Variants in ENKUR observed in about 807,000 individuals in gnomAD.
ENKUR encodes enkurin.
In ENKUR, 19 loss-of-function variants were observed where a neutral mutation model predicts 27.6. The ratio of observed to expected loss-of-function variants is 0.69; its 90% CI spans 0.48 to 1.01. The LOEUF (loss-of-function observed/expected upper bound fraction) is 1.01. ENKUR is among the 50% of genes least tolerant of loss of function. The probability of loss-of-function intolerance (pLI) is 0.00; values close to 1 mark genes in which losing one functional copy is unlikely to be tolerated. For missense variants in ENKUR, 312 were observed against 310.5 expected (o/e 1.00, Z -0.04); for synonymous variants, 117 against 96.9 (o/e 1.21, Z -1.22).
intron 2 of ENKUR, chr10:25,024,245 A>G (rs759378790): frequency 6.2e-7 from 1 of 1,614,180 alleles, no homozygotes; most frequent in Non-Finnish European, 8.5e-7. Flanking sequence ...TTCATCCTGG[A>G]GTTGTTTCAT....
At chr10:25,002,723 CATT>C (rs1850216844) in intron 1 of ENKUR, among the ~76,000 whole-genome samples, 1 of 152,098 alleles carries the variant, frequency 6.6e-6, no homozygotes, top group Non-Finnish European at 1.5e-5. Context: ...TTTGAAGAAA[CATT>C]ATTGTTTTTT....
At chr10:25,024,186 C>T in intron 2 of ENKUR, 1 of 1,614,226 alleles carries the variant, frequency 6.2e-7, no homozygotes, top group African/African-American at 1.3e-5. Flanking sequence ...ATGGGGAAAA[C>T]TTTGCCTGCT....
intron 1 of ENKUR, among the ~76,000 whole-genome samples, chr10:25,002,746 G>A (rs1385327005): frequency 2.0e-5 from 3 of 151,812 alleles, no homozygotes; most frequent in Non-Finnish European, 4.4e-5. Context: ...TTCCTTTTAG[G>A]AGCCTTGCCT....
chr10:25,045,014 T>C (rs1851107161), intron 2 of ENKUR, among the ~76,000 whole-genome samples: 1 of 152,194 alleles, frequency 6.6e-6, no homozygotes, highest in African/African-American at 2.4e-5. Context: ...CTTTATCCAT[T>C]TATGCCTTAC....
intron 2 of ENKUR, among the ~76,000 whole-genome samples, chr10:25,051,350 G>A (rs1262093565): frequency 6.6e-6 from 1 of 152,170 alleles, no homozygotes; most frequent in Non-Finnish European, 1.5e-5. Context: ...CTATTAGGCT[G>A]TTCTTGCATT....
chr10:25,041,830 T>C (rs1394898864), intron 2 of ENKUR, among the ~76,000 whole-genome samples: 2 of 152,200 alleles, frequency 1.3e-5, no homozygotes, highest in Non-Finnish European at 2.9e-5. Context: ...CTGGCTTGTA[T>C]TATTAAAAAA....
intron 3 of ENKUR, among the ~76,000 whole-genome samples, chr10:24,994,782 G>A (rs537802466): frequency 3.9e-4 from 60 of 152,214 alleles, no homozygotes; most frequent in African/African-American, 1.3e-3. Flanking sequence ...AGCACTTTGG[G>A]AGGCTGAGGT....
intron 3 of ENKUR, among the ~76,000 whole-genome samples, chr10:24,994,458 C>A (rs1849999835): frequency 6.6e-6 from 1 of 151,834 alleles, no homozygotes; most frequent in Middle Eastern, 3.4e-3. Flanking sequence ...CTTAGCCACC[C>A]GAGTAGCTGG....
intron 3 of ENKUR, among the ~76,000 whole-genome samples, chr10:24,991,952 C>G (rs1849938570): frequency 1.3e-5 from 2 of 152,184 alleles, no homozygotes; most frequent in Non-Finnish European, 1.5e-5. Flanking sequence ...GCATGCTCCC[C>G]CTAGAAGTGT....
intron 4 of ENKUR, among the ~76,000 whole-genome samples, chr10:24,986,978 T>C (rs1300316321): frequency 6.6e-6 from 1 of 152,146 alleles, no homozygotes; most frequent in Admixed American, 6.5e-5. Context: ...AATAAGAAGT[T>C]TTCAGTTTCA....
At chr10:25,061,756 C>G (rs73608234) in intron 1 of ENKUR, among the ~76,000 whole-genome samples, 2 of 152,186 alleles carry the variant, frequency 1.3e-5, no homozygotes, top group South Asian at 4.1e-4. Context: ...GCACTTCCCA[C>G]CTTCCCCAGA....
chr10:25,021,720 C>G (rs911944681), intron 2 of ENKUR: 6 of 152,102 alleles, frequency 3.9e-5, no homozygotes, highest in Non-Finnish European at 8.8e-5. Flanking sequence ...TTATGATTAA[C>G]TTAAATTTTT....
intron 2 of ENKUR, among the ~76,000 whole-genome samples, chr10:25,033,032 T>G (rs939639138): frequency 3.9e-5 from 6 of 152,176 alleles, no homozygotes; most frequent in African/African-American, 1.4e-4. Flanking sequence ...TGATTACAGG[T>G]AAAAGTAGTG....
At chr10:25,054,513 CCTTT>C (rs1554774509) in intron 2 of ENKUR, among the ~76,000 whole-genome samples, 2,100 of 71,176 alleles carry the variant, frequency 0.03, 43 homozygotes, top group Middle Eastern at 0.049. Context: ...TTCTTTCTTT[CCTTT>C]CTTTCTTTCT....
At chr10:25,011,064 G>A (rs1383207788) in intron 1 of ENKUR, among the ~76,000 whole-genome samples, 1 of 149,164 alleles carries the variant, frequency 6.7e-6, no homozygotes, top group South Asian at 2.1e-4. Flanking sequence ...CCCACCAACA[G>A]TGTAAAAGTG....
At chr10:25,059,203 G>T (rs1485323352) in intron 2 of ENKUR, among the ~76,000 whole-genome samples, 4 of 144,210 alleles carry the variant, frequency 2.8e-5, no homozygotes, top group Non-Finnish European at 6.0e-5. Flanking sequence ...CGCAATCTCT[G>T]GTCACTGCAA....
intron 1 of ENKUR, among the ~76,000 whole-genome samples, chr10:25,007,565 G>A (rs1262855766): frequency 6.6e-6 from 1 of 152,100 alleles, no homozygotes; most frequent in Admixed American, 6.6e-5. Context: ...CTCCAGAGTA[G>A]CTGGGACTAC....
intron 2 of ENKUR, among the ~76,000 whole-genome samples, chr10:25,054,510 TTTCC>T (rs1409363689): frequency 1.9e-4 from 19 of 100,298 alleles, no homozygotes; most frequent in African/African-American, 7.6e-4. Flanking sequence ...TCTTTCTTTC[TTTCC>T]TTTCTTTCTT....
intron 4 of ENKUR, among the ~76,000 whole-genome samples, chr10:24,988,438 T>C (rs1428338616): frequency 6.8e-6 from 1 of 146,214 alleles, no homozygotes; most frequent in Non-Finnish European, 1.5e-5. Flanking sequence ...AATTTATTTT[T>C]TATATTGTAC....
Sources: allele counts gnomAD v4.1 joint callset (sites outside exome capture counted in the v4.1 genomes callset), GRCh38; gene constraint gnomAD v4.1.1; transcripts MANE v1.5; gene names NCBI Gene and HGNC (gene_info 2026-07-23, HGNC 2026-07-21).